The following TRPM3 variants were observed in gnomAD, a reference collection of about 807,000 sequenced individuals.
TRPM3 encodes transient receptor potential cation channel subfamily M member 3.
In TRPM3, 77 loss-of-function variants were observed where a neutral mutation model predicts 181.2. That is an observed-to-expected ratio of 0.42 (90% CI 0.35 to 0.51). TRPM3 has a LOEUF of 0.51. Ranked by LOEUF, TRPM3 falls within the 20% of genes least tolerant of loss-of-function variation. TRPM3 has a pLI of 0.01. For missense variants in TRPM3, 1,759 were observed against 2,196.7 expected (o/e 0.80, Z 3.98); for synonymous variants, 745 against 796.4 (o/e 0.94, Z 1.09).
At chr9:70,841,621 C>T (rs1434316114) in intron 5 of TRPM3, among the ~76,000 whole-genome samples, 4 of 57,532 alleles carry the variant, frequency 7.0e-5, no homozygotes, top group South Asian at 6.9e-4. Context: ...TATCTATATC[C>T]CACTATATAT....
At chr9:71,127,891 C>G (rs867119741) in intron 1 of TRPM3, among the ~76,000 whole-genome samples, 4 of 152,140 alleles carry the variant, frequency 2.6e-5, no homozygotes, top group Non-Finnish European at 5.9e-5. Flanking sequence ...TTACCTTTGT[C>G]AAAGGGATAA....
At chr9:71,182,202 A>C (rs899703280) in intron 1 of TRPM3, among the ~76,000 whole-genome samples, 15 of 152,128 alleles carry the variant, frequency 9.9e-5, no homozygotes, top group Non-Finnish European at 1.9e-4. Flanking sequence ...TTTCAGAGGT[A>C]TTTCTTAAAT....
At chr9:70,769,379 A>C (rs944753738) in intron 7 of TRPM3, among the ~76,000 whole-genome samples, 1 of 152,076 alleles carries the variant, frequency 6.6e-6, no homozygotes, top group Non-Finnish European at 1.5e-5. Flanking sequence ...TTTAAAACTC[A>C]GCTCAAACTT....
chr9:71,446,832 C>A (rs1165518261), exon 1 of TRPM3: 1 of 1,540,106 alleles, frequency 6.5e-7, no homozygotes. Context: ...CACTTCTTCC[C>A]CATGAGAAGT....
At chr9:71,073,009 T>C (rs556028347) in intron 1 of TRPM3, among the ~76,000 whole-genome samples, 11 of 152,324 alleles carry the variant, frequency 7.2e-5, no homozygotes, top group Admixed American at 6.5e-4. Context: ...GGGAGCCATC[T>C]TCCCCGGCCC....
chr9:70,865,903 C>G (rs1293781533), intron 1 of TRPM3, among the ~76,000 whole-genome samples: 1 of 152,100 alleles, frequency 6.6e-6, no homozygotes, highest in Non-Finnish European at 1.5e-5. Context: ...CAGAGACCCT[C>G]AGGTCCAGGT....
intron 1 of TRPM3, among the ~76,000 whole-genome samples, chr9:71,003,340 A>T (rs1174079004): frequency 5.3e-5 from 8 of 150,968 alleles, no homozygotes; most frequent in Non-Finnish European, 1.2e-4. Context: ...ATGGATGGGC[A>T]TTTGGGTTGT....
At chr9:70,962,371 C>T (rs1012821758) in intron 1 of TRPM3, among the ~76,000 whole-genome samples, 4 of 152,106 alleles carry the variant, frequency 2.6e-5, no homozygotes, top group African/African-American at 9.7e-5. Flanking sequence ...CGGGCCTGTA[C>T]ATCAGCAGTT....
intron 1 of TRPM3, among the ~76,000 whole-genome samples, chr9:70,990,988 C>T (rs921186493): frequency 2.0e-5 from 3 of 152,098 alleles, no homozygotes; most frequent in African/African-American, 7.2e-5. Flanking sequence ...TGCAATGTTC[C>T]ATTTTGGAAG....
At chr9:70,785,327 G>T (rs1193439617) in intron 6 of TRPM3, among the ~76,000 whole-genome samples, 2 of 152,164 alleles carry the variant, frequency 1.3e-5, no homozygotes, top group Admixed American at 6.5e-5. Context: ...TGAGAGACAT[G>T]ATGACAAAGA....
intron 1 of TRPM3, among the ~76,000 whole-genome samples, chr9:71,109,263 TC>T (rs1305975443): frequency 6.6e-6 from 1 of 152,012 alleles, no homozygotes; most frequent in Non-Finnish European, 1.5e-5. Flanking sequence ...ATAATCTCTT[TC>T]AATATATATA....
upstream of TRPM3, among the ~76,000 whole-genome samples, chr9:71,122,542 C>T (rs1186797198): frequency 2.0e-5 from 3 of 152,152 alleles, no homozygotes; most frequent in Non-Finnish European, 2.9e-5. Context: ...TCCTCTGTGA[C>T]CATGCTGATT....
intron 1 of TRPM3, among the ~76,000 whole-genome samples, chr9:71,036,263 G>C (rs1290786635): frequency 2.0e-5 from 3 of 152,058 alleles, no homozygotes; most frequent in Non-Finnish European, 4.4e-5. Flanking sequence ...GACTGTAATT[G>C]CTTCTTATCC....
chr9:70,695,016 C>T (rs2069885141), intron 8 of TRPM3, among the ~76,000 whole-genome samples: 1 of 152,154 alleles, frequency 6.6e-6, no homozygotes, highest in Non-Finnish European at 1.5e-5. Flanking sequence ...TGATAATATC[C>T]CATCAATGCC....
At chr9:71,280,908 G>T (rs1588266410) in intron 1 of TRPM3, among the ~76,000 whole-genome samples, 2 of 152,156 alleles carry the variant, frequency 1.3e-5, no homozygotes, top group South Asian at 4.2e-4. Context: ...CTCTATTTCA[G>T]CATCCTATTT....
chr9:70,891,918 C>T (rs1008850703), intron 1 of TRPM3, among the ~76,000 whole-genome samples: 1 of 152,122 alleles, frequency 6.6e-6, no homozygotes, highest in African/African-American at 2.4e-5. Context: ...CACCTTGTGC[C>T]TTAGGCGCTT....
In TRPM3 at chr9:71,324,890, T is replaced by C. The variant is rs150516632; in HGVS notation, c.183+121763A>G. Among the ~76,000 whole-genome samples the C allele has an allele frequency of 3.7e-3, 559 of 151,892 alleles. 3 individuals carry two copies. Among genetic ancestry groups the C allele is most frequent in the African/African-American group, 0.012 (514 of 41,414 alleles). Reference sequence around the variant, plus strand: ...GTTCTCACATGTGTAAGCTAAAAAATTTGAATACATGGAGGTAGAGATTTA... The same window carrying C: ...GTTCTCACATGTGTAAGCTAAAAAACTTGAATACATGGAGGTAGAGATTTA... On this transcript the variant is annotated intron_variant, in intron 1 of 24. Coordinates refer to the TRPM3 transcript ENST00000357533.
chr9:70,613,901 A>G (rs2062363743), intron 18 of TRPM3, among the ~76,000 whole-genome samples: 1 of 152,084 alleles, frequency 6.6e-6, no homozygotes, highest in African/African-American at 2.4e-5. Flanking sequence ...CCAACCAGAG[A>G]GAATGCTGAT....
chr9:71,438,717 A>G lies in TRPM3; in HGVS notation c.183+7936T>C, dbSNP rs147595611. Among the ~76,000 whole-genome samples the G allele has an allele frequency of 3.3e-3, 510 of 152,318 alleles. 2 individuals are homozygous for G. Among genetic ancestry groups the G allele is most frequent in the South Asian group, 0.015 (74 of 4,826 alleles). On this transcript the variant is annotated intron_variant, in intron 1 of 24. Coordinates refer to the TRPM3 transcript ENST00000357533. ...AATCTTTCTCTTCCAGATATTTTTT[A>G]GAGGAAGTGATGTAATACCTAAGAC...
Sources: allele counts gnomAD v4.1 joint callset (sites outside exome capture counted in the v4.1 genomes callset), GRCh38; gene constraint gnomAD v4.1.1; transcripts MANE v1.5; gene names NCBI Gene and HGNC (gene_info 2026-07-23, HGNC 2026-07-21).